Variants in UGGT1 observed in about 807,000 individuals in gnomAD.
UGGT1 encodes UDP-glucose glycoprotein glucosyltransferase 1, also known as UDP-glucose:glycoprotein glucosyltransferase 1.
In UGGT1, 107 loss-of-function variants were observed where a neutral mutation model predicts 203.9. The observed-to-expected ratio is 0.52, with a 90% CI of 0.45 to 0.62. The LOEUF (loss-of-function observed/expected upper bound fraction) is 0.62. Among genes scored for constraint, UGGT1 ranks in the 20% least tolerant of loss-of-function variants. The pLI is 0.00. For missense variants in UGGT1, 1,673 were observed against 1,867.2 expected, an observed-to-expected ratio of 0.90 and a Z score of 1.92; for synonymous variants, 628 against 653.5, an observed-to-expected ratio of 0.96 and a Z score of 0.59.
rs1691082202 is a variant in UGGT1 at position 128,171,197 on chromosome 2, C to T, written c.3025-8C>T. On this transcript the variant is annotated splice_polypyrimidine_tract_variant and splice_region_variant and intron_variant, in intron 27 of 40. Coordinates refer to ENST00000259253, the MANE Select transcript of UGGT1 (RefSeq NM_020120.4). ...CCTAAATATTTTGTCATCTGGTTTT[C>T]CTTCTAGGTTTTGGCTCAGCTGATA... The T allele has an allele frequency of 1.2e-6, 2 of 1,602,920 alleles. No homozygotes were observed. Among genetic ancestry groups the T allele is most frequent in the African/African-American group, 2.7e-5 (2 of 74,286 alleles).
intron 17 of UGGT1, among the ~76,000 whole-genome samples, chr2:128,143,603 G>A (rs1689541446): frequency 6.6e-6 from 1 of 152,112 alleles, no homozygotes. Context: ...TACATGTGTC[G>A]AAATCTTGAT....
intron 31 of UGGT1, among the ~76,000 whole-genome samples, chr2:128,175,835 A>G (rs1691342023): frequency 6.6e-6 from 1 of 152,070 alleles, no homozygotes; most frequent in South Asian, 2.1e-4. Flanking sequence ...TGAGAACCCT[A>G]CTCTCTGCTA....
At chr2:128,176,071 G>A (rs1021648051) in intron 31 of UGGT1, among the ~76,000 whole-genome samples, 2 of 152,134 alleles carry the variant, frequency 1.3e-5, no homozygotes, top group African/African-American at 2.4e-5. Flanking sequence ...TGTTGCCTCC[G>A]GCAGAAAGAG....
chr2:128,104,013 C>T lies in UGGT1; in HGVS notation c.276C>T (p.Asp92=), dbSNP rs149221713. Residue 92 remains aspartate (D), a splice_region_variant and synonymous_variant, in exon 3 of 41, where the codon GAC becomes GAT. Transcript: ENST00000259253. ...AAAATATTGGATCATCAGATCATGA[C>T]GGTAAAATTGAAGCAAATGCTTCTT... ...ASQNIGSSDH[D]GTDYSYYHAI... 48 of 1,553,050 alleles carry T rather than the reference C, an allele frequency of 3.1e-5. No individual in the cohort carries two copies. The highest frequency in any genetic ancestry group is 7.2e-5 in the East Asian group (3 of 41,890).
intron 20 of UGGT1, 139 bp from the exon 21 acceptor site, chr2:128,156,253 G>A (rs1374449503): frequency 6.0e-6 from 4 of 669,478 alleles, no homozygotes; most frequent in Non-Finnish European, 7.9e-6. Flanking sequence ...CTGGGACAGC[G>A]CCATGACACC....
chr2:128,176,796 C>G lies in UGGT1; in HGVS notation c.3540-18C>G. 1.9e-6 allele frequency: 3 copies of G among 1,611,152 alleles called. No individual in the cohort carries two copies. Among genetic ancestry groups the G allele is most frequent in the Non-Finnish European group, 2.5e-6 (3 of 1,177,816 alleles). ...GAGAATTGTGCCTTGTAATATTGAT[C>G]TTTCTTTTCTCGCAAAGCCACGATG... On this transcript the variant is annotated intron_variant, in intron 31 of 40. Transcript: ENST00000259253.
chr2:128,093,560 A>G (rs1197401333), intron 1 of UGGT1, among the ~76,000 whole-genome samples: 2 of 152,162 alleles, frequency 1.3e-5, no homozygotes, highest in African/African-American at 4.8e-5. Context: ...GGTTAAAACT[A>G]TTCCTTTCTC....
intron 13 of UGGT1, among the ~76,000 whole-genome samples, chr2:128,129,877 G>C (rs1009531688): frequency 1.3e-5 from 2 of 152,150 alleles, no homozygotes; most frequent in Non-Finnish European, 2.9e-5. Flanking sequence ...TCTTTAGTAG[G>C]ATTTTGATAT....
At position 128,138,859 on chromosome 2, in the gene UGGT1, T is replaced by A; in HGVS notation, c.1719+7T>A. 4 of 1,611,150 alleles carry A rather than the reference T, an allele frequency of 2.5e-6. No homozygotes were observed. The South Asian group carries it at 4.4e-5, about 18-fold the overall frequency. On this transcript the variant is annotated splice_region_variant and intron_variant, in intron 16 of 40. Coordinates refer to ENST00000259253, the MANE Select transcript of UGGT1 (RefSeq NM_020120.4). ...CTTCCAGACTCTGACACATGTACGT[T>A]TTTGTTCAGAATGGCAAATAATTTT... is the stretch of plus-strand genomic sequence containing the variant.
At chr2:128,091,793 A>G (rs1215665657) in intron 1 of UGGT1, among the ~76,000 whole-genome samples, 1 of 152,196 alleles carries the variant, frequency 6.6e-6, no homozygotes, top group African/African-American at 2.4e-5. Context: ...TGCTTTTTAA[A>G]ATAGATTTCA....
rs116658256 is a variant in UGGT1 at position 128,172,958 on chromosome 2, C to T, written c.3294+196C>T. On this transcript the variant is annotated intron_variant, in intron 29 of 40. Transcript: ENST00000259253. ...CAGTTGAGAGGTTTTAGTATCTTCACGGAGTTGTGCAGCCATCACCACTAT... is the reference window on the plus strand; with the variant it reads ...CAGTTGAGAGGTTTTAGTATCTTCATGGAGTTGTGCAGCCATCACCACTAT... Among the ~76,000 whole-genome samples the T allele has an allele frequency of 5.3e-3, 810 of 152,268 alleles. 4 individuals are homozygous for T. Among genetic ancestry groups the T allele is most frequent in the Non-Finnish European group, 7.2e-3 (489 of 68,008 alleles).
At chr2:128,149,895 G>A (rs553229130) in intron 18 of UGGT1, among the ~76,000 whole-genome samples, 111 of 152,294 alleles carry the variant, frequency 7.3e-4, no homozygotes, top group Non-Finnish European at 1.3e-3. Flanking sequence ...GCAGGAGGCC[G>A]AGGTTGCAGT....
chr2:128,108,220 C>A, intron 4 of UGGT1, 152 bp downstream of exon 4: 6 of 973,218 alleles, frequency 6.2e-6, no homozygotes, highest in East Asian at 2.7e-5. Context: ...AAATAATAAG[C>A]AAAATTGATG....
chr2:128,110,319 A>G (rs1687787689), intron 5 of UGGT1, among the ~76,000 whole-genome samples: 1 of 152,148 alleles, frequency 6.6e-6, no homozygotes, highest in African/African-American at 2.4e-5. Context: ...CATAAACAGA[A>G]CCGTGATCTC....
intron 18 of UGGT1, among the ~76,000 whole-genome samples, chr2:128,148,890 G>T (rs1054485996): frequency 6.6e-6 from 1 of 152,190 alleles, no homozygotes; most frequent in Non-Finnish European, 1.5e-5. Context: ...TTGGCACTGA[G>T]TGAGGTCTGG....
rs568609769 is a variant in UGGT1, at chr2:128,130,338, G to A, written c.1377+1159G>A. 4.6e-5 allele frequency among the ~76,000 whole-genome samples: 7 copies of A among 151,968 alleles called. No homozygotes were observed. The East Asian group carries it at 1.4e-3, about 29-fold the overall frequency. On this transcript the variant is annotated intron_variant, in intron 13 of 40. Transcript: ENST00000259253. The stretch of plus-strand genomic sequence containing the variant: ...TGTGGTAAAAAATAAGGTGAGTGGA[G>A]AGCTGATCTTATTTTTTCTTGGTTT...
intron 16 of UGGT1, among the ~76,000 whole-genome samples, chr2:128,142,765 C>T (rs1174805440): frequency 1.3e-5 from 2 of 151,560 alleles, no homozygotes; most frequent in Non-Finnish European, 2.9e-5. Flanking sequence ...GGTGGATCAC[C>T]TGAGGTCAGG....
rs528653343 is a variant in UGGT1 at position 128,167,922 on chromosome 2, A to G, written c.2922-2366A>G. ...CTCAGAATGTGAACATGTTGTGTGA[A>G]TCTCTACCCCAAACCTGGTGTGGGC... On this transcript the variant is annotated intron_variant, in intron 26 of 40. Coordinates refer to ENST00000259253, the MANE Select transcript of UGGT1 (RefSeq NM_020120.4). 3.9e-5 allele frequency among the ~76,000 whole-genome samples: 6 copies of G among 152,132 alleles called. No individual in the cohort carries two copies. The East Asian group carries it at 1.2e-3, about 29-fold the overall frequency.
At chr2:128,143,888 C>G (rs556683241) in intron 17 of UGGT1, among the ~76,000 whole-genome samples, 1 of 151,618 alleles carries the variant, frequency 6.6e-6, no homozygotes, top group East Asian at 1.9e-4. Context: ...GGAATGGATT[C>G]TTTTGAAATG....
Sources: gnomAD v4.1 joint callset for allele counts (sites outside exome capture counted in the v4.1 genomes callset) on GRCh38, gnomAD v4.1.1 for gene constraint, MANE v1.5 for transcripts, NCBI Gene and HGNC (gene_info 2026-07-23, HGNC 2026-07-21) for gene names.